Variants in SERPINB6 observed in about 807,000 individuals in gnomAD.
SERPINB6 encodes the protein serpin B6.
SERPINB6 carries 16 observed loss-of-function variants against 26.1 expected under a neutral mutation model. The observed-to-expected ratio is 0.61, with a 90% CI of 0.42 to 0.93. The LOEUF is 0.93. Ranked by LOEUF, SERPINB6 falls within the 40% of genes least tolerant of loss-of-function variation. SERPINB6 has a pLI of 0.00. For synonymous variants in SERPINB6, 174 were observed against 176.6 expected, an observed-to-expected ratio of 0.99 and a Z score of 0.11; for missense variants, 420 against 478.0, an observed-to-expected ratio of 0.88 and a Z score of 1.13.
upstream of SERPINB6, chr6:2,971,716 C>G (rs1772199776): frequency 6.6e-6 from 1 of 152,186 alleles, no homozygotes; most frequent in Admixed American, 6.5e-5. Flanking sequence ...GGAGGGGCCG[C>G]GAGTCCTGCC....
In SERPINB6 at chr6:2,948,287, C is replaced by T. The variant is rs1311225846; in HGVS notation, c.*11G>A. Reference sequence around the variant, plus strand: ...AGAGGAGAGGGGCTGCACACCAAGACTGCCCTGTCCTCACGGAGAGGAAAA... The same window carrying T: ...AGAGGAGAGGGGCTGCACACCAAGATTGCCCTGTCCTCACGGAGAGGAAAA... On this transcript the variant is annotated 3_prime_UTR_variant, in exon 7 of 7. Coordinates refer to ENST00000380539, the MANE Select transcript of SERPINB6 (RefSeq NM_004568.6). The surrounding 1 kb of genome is among the most constrained non-coding windows in gnomAD (Gnocchi z 5.0). The T allele has an allele frequency of 6.2e-7, 1 of 1,612,902 alleles. No individual in the cohort carries two copies. Among genetic ancestry groups the T allele is most frequent in the Non-Finnish European group, 8.5e-7 (1 of 1,179,954 alleles).
At chr6:2,954,115 C>G (rs899036088) in intron 4 of SERPINB6, among the ~76,000 whole-genome samples, 9 of 141,988 alleles carry the variant, frequency 6.3e-5, no homozygotes, top group Non-Finnish European at 1.4e-4. Context: ...GAGACCTTGT[C>G]TCAAAAAAAA....
intron 5 of SERPINB6, 118 bp downstream of exon 5, chr6:2,952,926 G>T: frequency 6.9e-7 from 1 of 1,448,696 alleles, no homozygotes; most frequent in Non-Finnish European, 9.5e-7. Flanking sequence ...GCCACCCAAT[G>T]GATGTCAAGC....
At chr6:2,966,981 G>C in intron 1 of SERPINB6, 1 of 985,464 alleles carries the variant, frequency 1.0e-6, no homozygotes, top group African/African-American at 1.7e-5. Flanking sequence ...GGCACTTGCT[G>C]ATTTCCTCCA....
chr6:2,958,889 C>T (rs942967405), intron 2 of SERPINB6, among the ~76,000 whole-genome samples: 2 of 152,114 alleles, frequency 1.3e-5, no homozygotes, highest in African/African-American at 4.8e-5. Context: ...AACCTTGTGA[C>T]TTTACAACCA....
chr6:2,966,468 G>A, intron 1 of SERPINB6: 1 of 954,890 alleles, frequency 1.0e-6, no homozygotes, highest in Non-Finnish European at 1.2e-6. Context: ...AGCAGGAGGT[G>A]AGCAGCAGGT....
chr6:2,954,240 C>T (rs1428761591), intron 4 of SERPINB6, among the ~76,000 whole-genome samples: 1 of 152,072 alleles, frequency 6.6e-6, no homozygotes, highest in Non-Finnish European at 1.5e-5. Flanking sequence ...AGCTTGAGAT[C>T]CACACTGCGA....
At chr6:2,963,358 T>C (rs555838322) in intron 1 of SERPINB6, 7 of 152,326 alleles carry the variant, frequency 4.6e-5, no homozygotes, top group African/African-American at 1.7e-4. Context: ...ACCTACGTTT[T>C]ATAAGCAAAG....
rs1042015430 is a variant in SERPINB6, at chr6:2,967,211, C to T, written c.-11+4322G>A. 6.1e-6 allele frequency: 6 copies of T among 985,316 alleles called. No homozygotes were observed. The African/African-American group carries it at 8.7e-5, about 14-fold the overall frequency. 61.0% of individuals were successfully genotyped at this position (985,316 alleles called of 1,614,324 possible). ...TGTTAACCTGCCCAGGGCACAACAC[C>T]CACACACAAGTTAGAAAGTTCTGCT... On this transcript the variant is annotated intron_variant, in intron 1 of 6. Coordinates refer to ENST00000380539, the MANE Select transcript of SERPINB6 (RefSeq NM_004568.6). This position sits in a 1 kb window ranked among gnomAD's most constrained non-coding sequence, Gnocchi z 4.3.
intron 2 of SERPINB6, 137 bp from the exon 3 acceptor site, chr6:2,955,807 C>T (rs1327640214): frequency 1.1e-6 from 1 of 916,414 alleles, no homozygotes; most frequent in Non-Finnish European, 1.7e-6. Flanking sequence ...CTGGGCGCAG[C>T]AGCTCACGCC....
At chr6:2,970,662 C>G in intron 1 of SERPINB6, 1 of 1,206,786 alleles carries the variant, frequency 8.3e-7, no homozygotes, top group Non-Finnish European at 1.0e-6. Flanking sequence ...GTATTCCTGA[C>G]AGCATGTGAA....
Position 2,960,127 on chromosome 6 carries a change from G to A in SERPINB6, c.-10-785C>T, listed in dbSNP as rs558479441. On this transcript the variant is annotated intron_variant, in intron 1 of 6. Transcript: ENST00000380539. ...ATCTCTCTAGCCCTGCCGTGCAGTG[G>A]GTGTGGCAGCCCCAGCAGGGTCCAG... The A allele has an allele frequency of 3.9e-5, 6 of 153,342 alleles. No homozygotes were observed. The East Asian group carries it at 5.8e-4, about 15-fold the overall frequency. 9.5% of individuals were successfully genotyped at this position (153,342 alleles called of 1,614,324 possible).
At chr6:2,952,941 G>A in intron 5 of SERPINB6, 103 bp downstream of exon 5, 5 of 1,532,646 alleles carry the variant, frequency 3.3e-6, no homozygotes, top group Non-Finnish European at 4.5e-6. Flanking sequence ...TCAAGCAGGA[G>A]GGGCAGGGAC....
Position 2,954,981 on chromosome 6 carries a change from G to A in SERPINB6, c.313-272C>T, listed in dbSNP as rs567326234. ...GAGGCGGGTGGATCGTGTGAGCTCA[G>A]GAGTTCGAGACCAGCCTGGCCAACA... is the stretch of plus-strand genomic sequence containing the variant. On this transcript the variant is annotated intron_variant, in intron 3 of 6. Transcript: ENST00000380539. 23 of 409,968 alleles carry A rather than the reference G, an allele frequency of 5.6e-5. No individual in the cohort carries two copies. In the South Asian group the frequency reaches 5.9e-4, roughly 10 times the overall value. 25.4% of individuals were successfully genotyped at this position (409,968 alleles called of 1,614,324 possible). A position where few individuals can be genotyped will look rare whatever the true frequency, so the allele number is the denominator to read the frequency against.
intron 4 of SERPINB6, 111 bp downstream of exon 4, chr6:2,954,481 A>G: frequency 1.1e-6 from 1 of 914,226 alleles, no homozygotes; most frequent in East Asian, 2.4e-5. Flanking sequence ...GTTTGCAGTT[A>G]TTCAGAGAAA....
chr6:2,970,938 C>A, intron 1 of SERPINB6: 2 of 1,228,632 alleles, frequency 1.6e-6, no homozygotes, highest in Non-Finnish European at 2.0e-6. Flanking sequence ...AAGCCCAGCA[C>A]GGCCAGTCCA....
Position 2,954,688 on chromosome 6 carries a change from T to G in SERPINB6, c.334A>C (p.Lys112Gln), listed in dbSNP as rs778642972. 4 of 1,614,080 alleles carry G rather than the reference T, an allele frequency of 2.5e-6. No homozygotes were observed. In the South Asian group the frequency reaches 4.4e-5, roughly 18 times the overall value. ...FLSSFRDSCQ[K>Q]FYQAEMEELD... The stretch of plus-strand genomic sequence containing the variant: ...TCCTCCATCTCTGCTTGGTAGAATT[T>G]TTGGCAGGAATCTCTAAAAGACTAG... Residue 112 changes from lysine to glutamine, a missense_variant, in exon 4 of 7, where the codon AAA (lysine) becomes CAA (glutamine). Lys to Gln is a moderately conservative substitution (Grantham distance 53, BLOSUM62 1). Coordinates refer to ENST00000380539, the MANE Select transcript of SERPINB6 (RefSeq NM_004568.6).
At chr6:2,963,055 GCA>G (rs1357720466) in intron 1 of SERPINB6, among the ~76,000 whole-genome samples, 1 of 152,084 alleles carries the variant, frequency 6.6e-6, no homozygotes, top group Non-Finnish European at 1.5e-5. Context: ...GACAAAATGA[GCA>G]CAGTTAGCAA....
At chr6:2,952,122 G>C (rs1357156450) in intron 5 of SERPINB6, among the ~76,000 whole-genome samples, 1 of 152,186 alleles carries the variant, frequency 6.6e-6, no homozygotes, top group African/African-American at 2.4e-5. Context: ...TGTAGTCAAA[G>C]CCCTTGTACA....
Sources: allele counts gnomAD v4.1 joint callset (sites outside exome capture counted in the v4.1 genomes callset), GRCh38; gene constraint gnomAD v4.1.1; non-coding constraint Gnocchi (gnomAD v3.1); transcripts MANE v1.5; gene names NCBI Gene and HGNC (gene_info 2026-07-23, HGNC 2026-07-21).